AHR: variants seen among roughly 807,000 people sequenced by gnomAD.
AHR encodes aryl hydrocarbon receptor, also known as AH-receptor.
Under a neutral mutation model 86.8 loss-of-function variants are expected in AHR, and 40 were observed. The observed-to-expected ratio is 0.46, with a 90% CI of 0.36 to 0.60. AHR has a LOEUF of 0.60. AHR is among the 20% of genes least tolerant of loss of function. AHR has a pLI of 0.00. For missense variants in AHR, 1,001 were observed against 1,011.6 expected, an observed-to-expected ratio of 0.99 and a Z score of 0.14; for synonymous variants, 398 against 354.9, an observed-to-expected ratio of 1.12 and a Z score of -1.37.
chr7:17,325,029 T>A (rs1216393930), intron 3 of AHR, among the ~76,000 whole-genome samples: 1 of 152,194 alleles, frequency 6.6e-6, no homozygotes, highest in Non-Finnish European at 1.5e-5. Flanking sequence ...TATATAACAG[T>A]ATTGCAGTTT....
At chr7:17,310,545 T>A (rs970176538) in intron 2 of AHR, among the ~76,000 whole-genome samples, 1 of 152,010 alleles carries the variant, frequency 6.6e-6, no homozygotes, top group African/African-American at 2.4e-5. Flanking sequence ...TCTTTTTTTT[T>A]TTTTTTGAGG....
At chr7:17,334,789 T>C (rs1221009462) in intron 7 of AHR, 98 bp from the exon 8 acceptor site, 2 of 771,296 alleles carry the variant, frequency 2.6e-6, no homozygotes, top group Non-Finnish European at 4.1e-6. Flanking sequence ...CTAAAACATA[T>C]TGCAGAAACT....
chr7:17,324,602 A>G (rs1322211804), intron 3 of AHR, among the ~76,000 whole-genome samples: 1 of 152,002 alleles, frequency 6.6e-6, no homozygotes, highest in Non-Finnish European at 1.5e-5. Flanking sequence ...GGAGTTCAAG[A>G]CCAGCCTGGC....
intron 10 of AHR, among the ~76,000 whole-genome samples, chr7:17,341,164 TATA>T (rs1274436162): frequency 6.6e-6 from 1 of 152,156 alleles, no homozygotes; most frequent in Non-Finnish European, 1.5e-5. Flanking sequence ...TGTATTAGAG[TATA>T]ATAATTAAAA....
At chr7:17,341,234 T>C (rs1782420353) in intron 10 of AHR, among the ~76,000 whole-genome samples, 1 of 152,202 alleles carries the variant, frequency 6.6e-6, no homozygotes. Context: ...TACATTTTGC[T>C]TGTCTAATCG....
intron 1 of AHR, 100 bp downstream of exon 1, chr7:17,299,429 G>C: frequency 2.2e-6 from 3 of 1,373,156 alleles, no homozygotes; most frequent in Non-Finnish European, 3.0e-6. Flanking sequence ...GCGATCCTGG[G>C]ATTAGGTCCA....
At chr7:17,316,262 T>G (rs559624825) in intron 2 of AHR, among the ~76,000 whole-genome samples, 8 of 152,308 alleles carry the variant, frequency 5.3e-5, no homozygotes, top group Admixed American at 5.2e-4. Context: ...GAAGGTGATT[T>G]CTGTTCCTTG....
intron 1 of AHR, among the ~76,000 whole-genome samples, chr7:17,302,959 G>A (rs1781969404): frequency 6.6e-6 from 1 of 151,972 alleles, no homozygotes. Flanking sequence ...TCTCAATTAC[G>A]GCTACGGCTG....
At chr7:17,308,306 G>T (rs1276242345) in intron 1 of AHR, among the ~76,000 whole-genome samples, 1 of 151,958 alleles carries the variant, frequency 6.6e-6, no homozygotes, top group East Asian at 1.9e-4. Context: ...ATGAAATCCT[G>T]TCCCTCACTC....
Position 17,298,722 on chromosome 7 carries a change from A to C in AHR, c.-543A>C, listed in dbSNP as rs1170541407. 5 of 397,118 alleles carry C rather than the reference A, an allele frequency of 1.3e-5. No individual in the cohort carries two copies. Among genetic ancestry groups the C allele is most frequent in the Non-Finnish European group, 2.2e-5 (5 of 225,294 alleles). 24.6% of individuals were successfully genotyped at this position (397,118 alleles called of 1,614,324 possible). On this transcript the variant is annotated 5_prime_UTR_variant, in exon 1 of 11. Coordinates refer to ENST00000242057, the MANE Select transcript of AHR (RefSeq NM_001621.5). The stretch of plus-strand genomic sequence containing the variant: ...CGGACCGCCAGCTCAGAACAGGGGC[A>C]GCCGTGTAGCCGAACGGAAGCTGGG...
intron 2 of AHR, among the ~76,000 whole-genome samples, chr7:17,311,362 C>T (rs1020433164): frequency 1.3e-5 from 2 of 152,068 alleles, no homozygotes; most frequent in African/African-American, 4.8e-5. Context: ...CTAGATTTTG[C>T]ATGTCTAACA....
chr7:17,328,865 G>C (rs1782255592), intron 4 of AHR, among the ~76,000 whole-genome samples: 1 of 151,928 alleles, frequency 6.6e-6, no homozygotes, highest in Non-Finnish European at 1.5e-5. Flanking sequence ...GAAGATTTAA[G>C]TGTAGATGAC....
chr7:17,335,944 G>A, intron 9 of AHR, 158 bp downstream of exon 9: 1 of 695,896 alleles, frequency 1.4e-6, no homozygotes, highest in South Asian at 2.2e-5. Context: ...ACATTGAGAA[G>A]ATAGAATTGA....
rs1158748937 is a variant in AHR, at chr7:17,343,885, A to G, written c.*821A>G. On this transcript the variant is annotated 3_prime_UTR_variant, in exon 11 of 11. Transcript: ENST00000242057. ...ATGTGCCTTATGTTGAAAAAATTTAAAAGTAAAATGTCTTTCCAAATTATT... is the reference window on the plus strand; with the variant it reads ...ATGTGCCTTATGTTGAAAAAATTTAGAAGTAAAATGTCTTTCCAAATTATT... 6.6e-6 allele frequency: 1 copy of G among 152,562 alleles called. No homozygotes were observed. The highest frequency in any genetic ancestry group is 2.4e-5 in the African/African-American group (1 of 41,440). The allele number at this position is 152,562 out of a possible 1,614,324, so 9.5% of individuals were successfully genotyped here. A position where few individuals can be genotyped will look rare whatever the true frequency, so the allele number is the denominator to read the frequency against.
At position 17,340,138 on chromosome 7, in the gene AHR, G is replaced by A. The variant is rs761580687; in HGVS notation, c.2313G>A (p.Met771Ile). ...PQTCYAGAVS[M>I]YQCQPEPQHT... ...CATGTTATGCTGGGGCCGTGTCGAT[G>A]TATCAGTGCCAGCCAGAACCTCAGC... The change falls in exon 10 of 11, where the codon ATG becomes ATA. Residue 771 changes from methionine to isoleucine, a missense_variant. Coordinates refer to ENST00000242057, the MANE Select transcript of AHR (RefSeq NM_001621.5). 10 of 1,614,082 alleles carry A rather than the reference G, an allele frequency of 6.2e-6. No individual in the cohort carries two copies. Among genetic ancestry groups the A allele is most frequent in the South Asian group, 1.1e-5 (1 of 91,084 alleles).
At chr7:17,324,522 G>T (rs1782207263) in intron 3 of AHR, among the ~76,000 whole-genome samples, 1 of 152,152 alleles carries the variant, frequency 6.6e-6, no homozygotes, top group African/African-American at 2.4e-5. Context: ...TTTATTAAAG[G>T]CCAGGTGCGG....
At chr7:17,314,182 G>A (rs1331279065) in intron 2 of AHR, among the ~76,000 whole-genome samples, 3 of 152,166 alleles carry the variant, frequency 2.0e-5, no homozygotes, top group Non-Finnish European at 2.9e-5. Context: ...TTAGGGATCC[G>A]AGTTTCTGAT....
intron 9 of AHR, 123 bp downstream of exon 9, chr7:17,335,909 C>G: frequency 6.7e-6 from 7 of 1,048,668 alleles, no homozygotes; most frequent in South Asian, 3.2e-5. Flanking sequence ...TTTAATTCAT[C>G]TAGAAAGAAG....
chr7:17,301,903 T>C (rs1356412488), intron 1 of AHR, among the ~76,000 whole-genome samples: 1 of 151,936 alleles, frequency 6.6e-6, no homozygotes, highest in African/African-American at 2.4e-5. Flanking sequence ...ACTTTCATTA[T>C]AGAATCTACT....
Sources: allele counts gnomAD v4.1 joint callset (sites outside exome capture counted in the v4.1 genomes callset), GRCh38; gene constraint gnomAD v4.1.1; transcripts MANE v1.5; gene names NCBI Gene and HGNC (gene_info 2026-07-23, HGNC 2026-07-21).